Variants in PCDH15 observed in about 807,000 individuals in gnomAD.
The protein encoded by PCDH15 is protocadherin related 15.
In PCDH15, 129 loss-of-function variants were observed where a neutral mutation model predicts 178.5. That is an observed-to-expected ratio of 0.72 (90% CI 0.63 to 0.84). The LOEUF is 0.84. Ranked by LOEUF, PCDH15 falls within the 40% of genes least tolerant of loss-of-function variation. PCDH15 has a pLI of 0.00. For missense variants in PCDH15, 2,230 were observed against 2,099.9 expected (o/e 1.06, Z -1.21); for synonymous variants, 800 against 732.0 (o/e 1.09, Z -1.50).
chr10:55,527,847 T>C (rs1589112132), intron 2 of PCDH15, among the ~76,000 whole-genome samples: 1 of 152,056 alleles, frequency 6.6e-6, no homozygotes, highest in South Asian at 2.1e-4. Flanking sequence ...ATTTCAATAA[T>C]AGGTATTGTT....
At chr10:54,288,090 G>A (rs1285093933) in intron 8 of PCDH15, among the ~76,000 whole-genome samples, 1 of 152,134 alleles carries the variant, frequency 6.6e-6, no homozygotes, top group Non-Finnish European at 1.5e-5. Context: ...TTGGGAGGCT[G>A]AGGCAGGTGG....
At chr10:54,808,399 T>C (rs1390205004) in intron 3 of PCDH15, among the ~76,000 whole-genome samples, 2 of 152,168 alleles carry the variant, frequency 1.3e-5, no homozygotes, top group South Asian at 2.1e-4. Context: ...GAGTCTGAGT[T>C]ACTGCTGAGC....
intron 26 of PCDH15, among the ~76,000 whole-genome samples, chr10:53,873,841 G>A (rs531293230): frequency 3.3e-5 from 5 of 152,204 alleles, no homozygotes; most frequent in Admixed American, 2.6e-4. Flanking sequence ...CCCATGAAAC[G>A]GATTGGTTCC....
chr10:54,154,498 TC>T (rs2044883226), intron 13 of PCDH15, among the ~76,000 whole-genome samples: 1 of 152,170 alleles, frequency 6.6e-6, no homozygotes, highest in African/African-American at 2.4e-5. Flanking sequence ...TGGTATACCT[TC>T]CTTGATCAAA....
intron 26 of PCDH15, among the ~76,000 whole-genome samples, chr10:53,900,020 GA>G (rs1164359099): frequency 2.7e-5 from 4 of 150,758 alleles, no homozygotes; most frequent in Non-Finnish European, 5.9e-5. Context: ...TTTCACTTTG[GA>G]AAAAAAAATC....
intron 2 of PCDH15, among the ~76,000 whole-genome samples, chr10:55,503,330 T>C (rs1565202691): frequency 6.7e-6 from 1 of 149,146 alleles, no homozygotes; most frequent in East Asian, 2.0e-4. Context: ...ATTTTAAAAT[T>C]AAGTTTTATT....
chr10:55,125,378 C>T (rs142867361), intron 2 of PCDH15, among the ~76,000 whole-genome samples: 119 of 152,092 alleles, frequency 7.8e-4, no homozygotes, highest in Middle Eastern at 3.4e-3. Flanking sequence ...CCCAGGGTGA[C>T]GTCTCCTTCT....
intron 2 of PCDH15, among the ~76,000 whole-genome samples, chr10:54,547,584 T>C (rs565110422): frequency 3.9e-5 from 6 of 152,316 alleles, no homozygotes; most frequent in Admixed American, 3.9e-4. Context: ...TTATTATGTT[T>C]TTAGGTTAAT....
chr10:54,437,442 C>T (rs977031497), intron 3 of PCDH15, among the ~76,000 whole-genome samples: 2 of 152,084 alleles, frequency 1.3e-5, no homozygotes, highest in African/African-American at 2.4e-5. Flanking sequence ...AATGTACAGC[C>T]ATATCCTAGG....
intron 1 of PCDH15, among the ~76,000 whole-genome samples, chr10:54,701,966 T>C (rs2095313181): frequency 6.6e-6 from 1 of 151,976 alleles, no homozygotes; most frequent in African/African-American, 2.4e-5. Context: ...CTAACAGACA[T>C]AGACAGAACT....
At chr10:54,171,390 G>C (rs1267558067) in intron 13 of PCDH15, among the ~76,000 whole-genome samples, 1 of 152,114 alleles carries the variant, frequency 6.6e-6, no homozygotes, top group African/African-American at 2.4e-5. Flanking sequence ...TGCTACAGGG[G>C]TACAGCCCAT....
At chr10:54,242,717 G>A (rs1387985398) in intron 8 of PCDH15, among the ~76,000 whole-genome samples, 3 of 152,086 alleles carry the variant, frequency 2.0e-5, no homozygotes, top group East Asian at 3.9e-4. Flanking sequence ...TCTCAACTTG[G>A]CATTTGAATG....
intron 18 of PCDH15, among the ~76,000 whole-genome samples, chr10:54,026,445 C>A (rs2093096035): frequency 6.6e-6 from 1 of 152,088 alleles, no homozygotes; most frequent in South Asian, 2.1e-4. Flanking sequence ...AATGGGGCAT[C>A]CTCACCAATA....
intron 18 of PCDH15, among the ~76,000 whole-genome samples, chr10:54,064,235 G>C (rs2094091722): frequency 6.6e-6 from 1 of 152,192 alleles, no homozygotes; most frequent in Admixed American, 6.5e-5. Context: ...GTGGTCCCAG[G>C]AGACACGAAG....
In PCDH15 at chr10:54,182,506, A is replaced by AGTGTGTGT. The variant is rs71007813; in HGVS notation, c.1590+930_1590+937dup. 2.7e-3 allele frequency among the ~76,000 whole-genome samples: 405 copies of AGTGTGTGT among 148,076 alleles called. 2 individuals carry two copies. The highest frequency in any genetic ancestry group is 9.0e-3 in the African/African-American group (364 of 40,338). On this transcript the variant is annotated intron_variant, in intron 13 of 37. Coordinates refer to ENST00000644397, the MANE Select transcript of PCDH15 (RefSeq NM_001384140.1). ...ATGAGAGAGGAAAAGAGAGAAAAAA[A>AGTGTGTGT]GTGTGTGTGTGTGTGTGTGTGTGTG...
intron 2 of PCDH15, chr10:55,506,194 G>A (rs974293883): frequency 6.6e-6 from 1 of 151,388 alleles, no homozygotes; most frequent in Non-Finnish European, 1.5e-5. Flanking sequence ...AAAGATGAAG[G>A]TGTCTTGGCC....
At chr10:55,250,578 T>C (rs10825484) in intron 1 of PCDH15, among the ~76,000 whole-genome samples, 79,928 of 137,076 alleles carry the variant, frequency 0.58, 23,025 homozygotes, top group East Asian at 0.68. Context: ...GCTCTGTCAC[T>C]CAGGCTGGAG....
chr10:55,328,345 A>G (rs1350997078), intron 2 of PCDH15, among the ~76,000 whole-genome samples: 1 of 151,814 alleles, frequency 6.6e-6, no homozygotes, highest in Non-Finnish European at 1.5e-5. Context: ...ACCTACACAA[A>G]TTTATGTGGT....
intron 15 of PCDH15, among the ~76,000 whole-genome samples, chr10:54,112,961 C>T (rs10763070): frequency 0.32 from 49,297 of 151,862 alleles, 9,401 homozygotes; most frequent in East Asian, 0.86. Flanking sequence ...TATTTCAAAT[C>T]TGAAAATGAT....
Sources: allele counts gnomAD v4.1 joint callset (sites outside exome capture counted in the v4.1 genomes callset), GRCh38; gene constraint gnomAD v4.1.1; transcripts MANE v1.5; gene names NCBI Gene and HGNC (gene_info 2026-07-23, HGNC 2026-07-21).